Variants in SNX27 observed in about 807,000 individuals in gnomAD.
SNX27 encodes sorting nexin-27.
Under a neutral mutation model 71.6 loss-of-function variants are expected in SNX27, and 22 were observed. The observed-to-expected ratio is 0.31, with a 90% confidence interval of 0.22 to 0.44. The LOEUF is 0.44. Ranked by LOEUF, SNX27 falls within the 20% of genes least tolerant of loss-of-function variation. The probability of loss-of-function intolerance (pLI) is 1.00; values close to 1 mark genes in which losing one functional copy is unlikely to be tolerated. For synonymous variants in SNX27, 269 were observed against 277.2 expected, an observed-to-expected ratio of 0.97 and a Z score of 0.29; for missense variants, 531 against 698.6, an observed-to-expected ratio of 0.76 and a Z score of 2.70.
intron 2 of SNX27, among the ~76,000 whole-genome samples, chr1:151,657,853 T>G (rs1439127071): frequency 6.6e-6 from 1 of 152,084 alleles, no homozygotes; most frequent in African/African-American, 2.4e-5. Context: ...ATACAAAAAT[T>G]AGCCAGGTAT....
chr1:151,697,326 A>G lies in SNX27; in HGVS notation c.*2909A>G, dbSNP rs1671807594. The G allele has an allele frequency of 6.6e-6, 1 of 152,232 alleles. No homozygotes were observed. The highest frequency in any genetic ancestry group is 1.5e-5 in the Non-Finnish European group (1 of 68,048). 9.4% of individuals were successfully genotyped at this position (152,232 alleles called of 1,614,324 possible). ...GTGAACAGAGCTGGGATTCCATGCG[A>G]CAGCTTGAATGCTGACCTTCAGACA... is the stretch of plus-strand genomic sequence containing the variant. On this transcript the variant is annotated 3_prime_UTR_variant, in exon 12 of 12. Transcript: ENST00000458013.
At chr1:151,691,818 T>C (rs994126283) in intron 8 of SNX27, among the ~76,000 whole-genome samples, 2 of 151,842 alleles carry the variant, frequency 1.3e-5, no homozygotes, top group African/African-American at 2.4e-5. Flanking sequence ...CTGGCCTGTA[T>C]CTTTTTGAAG....
At chr1:151,669,966 A>G (rs1451162052) in intron 7 of SNX27, among the ~76,000 whole-genome samples, 1 of 152,182 alleles carries the variant, frequency 6.6e-6, no homozygotes, top group South Asian at 2.1e-4. Flanking sequence ...CTATTGTGCT[A>G]TCAAATACTA....
At chr1:151,631,735 G>T (rs1268912890) in intron 1 of SNX27, among the ~76,000 whole-genome samples, 1 of 152,294 alleles carries the variant, frequency 6.6e-6, no homozygotes, top group Non-Finnish European at 1.5e-5. Flanking sequence ...ACCCAGACTG[G>T]AGTGCGGTGG....
chr1:151,653,080 A>G (rs1188324945), intron 2 of SNX27, among the ~76,000 whole-genome samples: 1 of 151,888 alleles, frequency 6.6e-6, no homozygotes, highest in Non-Finnish European at 1.5e-5. Context: ...GGCATGTGCC[A>G]CCATGCCTGG....
At chr1:151,693,519 CTT>C in intron 11 of SNX27, 36 bp downstream of exon 11, 1 of 1,613,302 alleles carries the variant, frequency 6.2e-7, no homozygotes. Flanking sequence ...ACCTTTTCAT[CTT>C]TTTGTTTCTT....
chr1:151,696,461 T>TTTC lies in SNX27; in HGVS notation c.*2046_*2047insCTT, dbSNP rs1671711402. ...TTTTGCAAATCATTGTGAGGCCACT[T>TTTC]TTTCTTTCTTTCTTTCTTTCTTTCT... On this transcript the variant is annotated 3_prime_UTR_variant, in exon 12 of 12. Coordinates refer to ENST00000458013, the MANE Select transcript of SNX27 (RefSeq NM_001330723.2). 2.4e-5 allele frequency: 3 copies of TTTC among 126,080 alleles called. No individual in the cohort carries two copies. Among genetic ancestry groups the TTTC allele is most frequent in the Admixed American group, 8.0e-5 (1 of 12,430 alleles). The allele number at this position is 126,080 out of a possible 1,614,324, so 7.8% of individuals were successfully genotyped here.
intron 5 of SNX27, among the ~76,000 whole-genome samples, chr1:151,664,261 GTC>G (rs74538176): frequency 0.097 from 14,447 of 148,336 alleles, 752 homozygotes; most frequent in South Asian, 0.13. Flanking sequence ...TAATAATTTA[GTC>G]TCAGGTTTTT....
At chr1:151,619,650 T>G (rs1335495746) in intron 1 of SNX27, among the ~76,000 whole-genome samples, 1 of 152,138 alleles carries the variant, frequency 6.6e-6, no homozygotes, top group South Asian at 2.1e-4. Flanking sequence ...TTTGTTCTGT[T>G]TTTTTGAGTG....
At chr1:151,670,440 G>A (rs367855591) in intron 7 of SNX27, among the ~76,000 whole-genome samples, 2 of 152,132 alleles carry the variant, frequency 1.3e-5, no homozygotes, top group South Asian at 4.1e-4. Context: ...TCGTATGATG[G>A]TTCTATTTTT....
chr1:151,615,176 G>T (rs1388129327), intron 1 of SNX27, among the ~76,000 whole-genome samples: 1 of 152,178 alleles, frequency 6.6e-6, no homozygotes, highest in East Asian at 1.9e-4. Context: ...CTCTCTGGAA[G>T]GTTGTGATAA....
intron 7 of SNX27, among the ~76,000 whole-genome samples, chr1:151,681,444 A>G (rs1011076286): frequency 3.3e-5 from 5 of 151,586 alleles, no homozygotes; most frequent in African/African-American, 7.3e-5. Context: ...GGGTTTCACC[A>G]TGTTAGCCAG....
At chr1:151,655,024 G>A (rs1160472595) in intron 2 of SNX27, among the ~76,000 whole-genome samples, 1 of 151,918 alleles carries the variant, frequency 6.6e-6, no homozygotes, top group Non-Finnish European at 1.5e-5. Flanking sequence ...TATATGTCTA[G>A]TAATTTTTGA....
At chr1:151,671,136 G>A (rs765624272) in intron 7 of SNX27, among the ~76,000 whole-genome samples, 3 of 151,840 alleles carry the variant, frequency 2.0e-5, no homozygotes, top group Non-Finnish European at 4.4e-5. Context: ...GTGTTCCATC[G>A]GTCTGTGTGT....
At chr1:151,660,885 G>T in intron 4 of SNX27, 23 bp downstream of exon 4, 2 of 1,576,608 alleles carry the variant, frequency 1.3e-6, no homozygotes, top group Non-Finnish European at 8.7e-7. Context: ...CTCTTTTAGT[G>T]ATTATTTTCC....
chr1:151,613,999 G>T (rs1157061346), intron 1 of SNX27: 2 of 151,770 alleles, frequency 1.3e-5, no homozygotes, highest in African/African-American at 4.8e-5. Context: ...AAAACAGTAG[G>T]TTTGCAAAAG....
In SNX27 at chr1:151,650,886, C is replaced by T. The variant is rs560570501; in HGVS notation, c.544-7349C>T. On this transcript the variant is annotated intron_variant, in intron 2 of 11. Transcript: ENST00000458013. ...TAATCCATTTAACCCTGAGTGGACA[C>T]AGCACATGTTTCAGAGAGCACAGGG... is the stretch of plus-strand genomic sequence containing the variant. 1.6e-4 allele frequency among the ~76,000 whole-genome samples: 25 copies of T among 152,232 alleles called. No individual in the cohort carries two copies. In the South Asian group the frequency reaches 2.7e-3, roughly 16 times the overall value.
At chr1:151,632,731 A>T (rs1571780948) in intron 1 of SNX27, among the ~76,000 whole-genome samples, 1 of 152,264 alleles carries the variant, frequency 6.6e-6, no homozygotes, top group Admixed American at 6.5e-5. Flanking sequence ...ATATTTAACA[A>T]ATTTATTCAC....
At chr1:151,650,723 G>A (rs988885188) in intron 2 of SNX27, among the ~76,000 whole-genome samples, 1 of 152,006 alleles carries the variant, frequency 6.6e-6, no homozygotes, top group Non-Finnish European at 1.5e-5. Flanking sequence ...AAGGTCTCTG[G>A]TTTTCCTAGG....
Sources: gnomAD v4.1 joint callset for allele counts (sites outside exome capture counted in the v4.1 genomes callset) on GRCh38, gnomAD v4.1.1 for gene constraint, MANE v1.5 for transcripts, NCBI Gene and HGNC (gene_info 2026-07-23, HGNC 2026-07-21) for gene names.